IL16: variants seen among roughly 807,000 people sequenced by gnomAD.
IL16 encodes interleukin 16.
Under a neutral mutation model 110.1 loss-of-function variants are expected in IL16, and 67 were observed. The ratio of observed to expected loss-of-function variants is 0.61; its 90% confidence interval spans 0.50 to 0.75. IL16 has a LOEUF of 0.75. Ranked by LOEUF, IL16 falls within the 30% of genes least tolerant of loss-of-function variation. IL16 has a pLI of 0.00. For synonymous variants in IL16, 689 were observed against 662.9 expected, an observed-to-expected ratio of 1.04 and a Z score of -0.61; for missense variants, 1,545 against 1,655.0, an observed-to-expected ratio of 0.93 and a Z score of 1.15.
chr15:81,264,145 AC>A (rs942482413), intron 3 of IL16, among the ~76,000 whole-genome samples: 4 of 151,716 alleles, frequency 2.6e-5, no homozygotes, highest in Admixed American at 2.0e-4. Flanking sequence ...CTCTCCTCTC[AC>A]CCCCCTTTCT....
At chr15:81,296,240 G>A (rs1483555960) in intron 12 of IL16, among the ~76,000 whole-genome samples, 1 of 152,158 alleles carries the variant, frequency 6.6e-6, no homozygotes, top group African/African-American at 2.4e-5. Context: ...AGCACACTGT[G>A]TGATAATCCA....
At position 81,301,512 on chromosome 15, in the gene IL16, G is replaced by A; in HGVS notation, c.3318G>A (p.Lys1106=). ...EVKVLDEATL[K]QLDGIHVTIL... ...AGGTTCTGGATGAAGCAACATTAAA[G>A]GTAGGTTTCCTTTGTAAGCATCTGC... The change falls in exon 15 of 19, where the codon AAG becomes AAA. Residue 1106 remains lysine (K), a splice_region_variant and synonymous_variant. Transcript: ENST00000683961. 1 of 1,610,572 alleles carries A rather than the reference G, an allele frequency of 6.2e-7. No homozygotes were observed. The highest frequency in any genetic ancestry group is 8.5e-7 in the Non-Finnish European group (1 of 1,178,924).
Position 81,197,076 on chromosome 15 carries a change from T to C in IL16, c.-178T>C. ...CGGGAATAAGTGGTGCTGCAATCCC[T>C]GCTGGGCAGATGGAGAGAGGAGCAA... On this transcript the variant is annotated 5_prime_UTR_variant, in exon 1 of 19. Coordinates refer to ENST00000683961, the MANE Select transcript of IL16 (RefSeq NM_172217.5). 7.8e-7 allele frequency: 1 copy of C among 1,288,806 alleles called. No individual in the cohort carries two copies. The highest frequency in any genetic ancestry group is 1.5e-5 in the African/African-American group (1 of 65,944). The allele number at this position is 1,288,806 out of a possible 1,614,324, so 79.8% of individuals were successfully genotyped here.
chr15:81,304,174 C>A (rs1391632438), intron 16 of IL16, among the ~76,000 whole-genome samples: 1 of 152,260 alleles, frequency 6.6e-6, no homozygotes, highest in Non-Finnish European at 1.5e-5. Context: ...CGTGTCACTT[C>A]AGAGTCAATC....
rs1469463523 is a variant in IL16 at position 81,303,705 on chromosome 15, G to C, written c.3420+55G>C. On this transcript the variant is annotated intron_variant, in intron 16 of 18. Transcript: ENST00000683961. The surrounding 1 kb of genome is among the most constrained non-coding windows in gnomAD (Gnocchi z 4.1). ...AGCCAGAGGCAATGGTTCTGGGGGA[G>C]GGGGACACACTTGCCAGGAAGGGGC... The C allele has an allele frequency of 2.5e-6, 3 of 1,201,004 alleles. No homozygotes were observed. The Admixed American group carries it at 5.1e-5, about 21-fold the overall frequency. The allele number at this position is 1,201,004 out of a possible 1,614,324, so 74.4% of individuals were successfully genotyped here. A position where few individuals can be genotyped will look rare whatever the true frequency, so the allele number is the denominator to read the frequency against.
intron 2 of IL16, among the ~76,000 whole-genome samples, chr15:81,252,805 TATC>T (rs1452751489): frequency 6.6e-6 from 1 of 152,222 alleles, no homozygotes; most frequent in Non-Finnish European, 1.5e-5. Context: ...TTGTAGCATG[TATC>T]AGTTCATTCA....
intron 2 of IL16, 55 bp downstream of exon 2, chr15:81,225,766 G>A: frequency 7.3e-7 from 1 of 1,368,478 alleles, no homozygotes; most frequent in Non-Finnish European, 9.9e-7. Flanking sequence ...CTGGTGCTGT[G>A]AATTAAAGTC....
rs34522610 is a variant in IL16 at position 81,303,015 on chromosome 15, A to ATGTGTGTGTG, written c.3319-514_3319-505dup. 4.2e-3 allele frequency among the ~76,000 whole-genome samples: 634 copies of ATGTGTGTGTG among 150,144 alleles called. 3 individuals are homozygous for ATGTGTGTGTG. Among genetic ancestry groups the ATGTGTGTGTG allele is most frequent in the African/African-American group, 8.8e-3 (360 of 40,682 alleles). ...GTCTAGGCTAGGAAGTACCGTAGTA[A>ATGTGTGTGTG]TGTGTGTGTGTGTGTGTGTGTGTGT... is the stretch of plus-strand genomic sequence containing the variant. On this transcript the variant is annotated intron_variant, in intron 15 of 18. Transcript: ENST00000683961. This position sits in a 1 kb window ranked among gnomAD's most constrained non-coding sequence, Gnocchi z 4.1.
rs112625002 is a variant in IL16, at chr15:81,220,734, G to GGTTAGCTT, written c.-101-4564_-101-4557dup. ...AAATACTGTGGCCTTTCCTCCGGTA[G>GGTTAGCTT]GTTAGCTTTGCCTAGCACAAAAACA... On this transcript the variant is annotated intron_variant, in intron 1 of 18. Coordinates refer to ENST00000683961, the MANE Select transcript of IL16 (RefSeq NM_172217.5). Among the ~76,000 whole-genome samples, 271 of 150,748 alleles carry GGTTAGCTT rather than the reference G, an allele frequency of 1.8e-3. 2 individuals are homozygous for GGTTAGCTT. Among genetic ancestry groups the GGTTAGCTT allele is most frequent in the African/African-American group, 6.5e-3 (262 of 40,548 alleles).
Position 81,239,564 on chromosome 15 carries a change from C to T in IL16, c.312+13853C>T, listed in dbSNP as rs866069416. Among the ~76,000 whole-genome samples, 6 of 152,198 alleles carry T rather than the reference C, an allele frequency of 3.9e-5. No homozygotes were observed. In the East Asian group the frequency reaches 1.2e-3, roughly 29 times the overall value. ...AAAATGAAGCACTCAGCTGATGCTGCCCCTGAAGATGAACTGGACCACTTG... is the reference window on the plus strand; with the variant it reads ...AAAATGAAGCACTCAGCTGATGCTGTCCCTGAAGATGAACTGGACCACTTG... On this transcript the variant is annotated intron_variant, in intron 2 of 18. Coordinates refer to ENST00000683961, the MANE Select transcript of IL16 (RefSeq NM_172217.5).
chr15:81,209,166 G>A (rs1430497335), intron 1 of IL16, among the ~76,000 whole-genome samples: 1 of 152,174 alleles, frequency 6.6e-6, no homozygotes, highest in Non-Finnish European at 1.5e-5. Flanking sequence ...GGTGCTCAGA[G>A]GATAATGATG....
chr15:81,239,771 C>CTTTGTTTGTTTG lies in IL16; in HGVS notation c.312+14080_312+14091dup, dbSNP rs71153570. Among the ~76,000 whole-genome samples the CTTTGTTTGTTTG allele has an allele frequency of 6.8e-3, 1,027 of 150,640 alleles. 11 individuals are homozygous for CTTTGTTTGTTTG. Among genetic ancestry groups the CTTTGTTTGTTTG allele is most frequent in the African/African-American group, 0.022 (890 of 40,684 alleles). ...GCCAGGCTGGCGAGAACAGGCTTGT[C>CTTTGTTTGTTTG]TTTGTTTGTTTGTTTGTTTGTTTGT... On this transcript the variant is annotated intron_variant, in intron 2 of 18. Coordinates refer to ENST00000683961, the MANE Select transcript of IL16 (RefSeq NM_172217.5).
chr15:81,210,739 T>C (rs1368358116), intron 1 of IL16, among the ~76,000 whole-genome samples: 1 of 152,228 alleles, frequency 6.6e-6, no homozygotes, highest in Non-Finnish European at 1.5e-5. Context: ...TCTAGCAGAC[T>C]TTTGTTGGAG....
chr15:81,304,069 T>C (rs1900429171), intron 16 of IL16, among the ~76,000 whole-genome samples: 1 of 152,164 alleles, frequency 6.6e-6, no homozygotes, highest in African/African-American at 2.4e-5. Context: ...CATTTGAATT[T>C]CCATGCCCAA....
intron 1 of IL16, among the ~76,000 whole-genome samples, chr15:81,212,869 C>T (rs1422222044): frequency 6.6e-6 from 1 of 152,024 alleles, no homozygotes; most frequent in Non-Finnish European, 1.5e-5. Flanking sequence ...GATTTTTGCA[C>T]CTCAATTTCA....
chr15:81,261,695 A>C lies in IL16; in HGVS notation c.421+1815A>C, dbSNP rs72746150. ...CCCTCTGTGTATGGCTCCTTTACCCAATTCTCAGAATCCCAACTGAGTGTG... is the reference window on the plus strand; with the variant it reads ...CCCTCTGTGTATGGCTCCTTTACCCCATTCTCAGAATCCCAACTGAGTGTG... On this transcript the variant is annotated intron_variant, in intron 3 of 18. Coordinates refer to ENST00000683961, the MANE Select transcript of IL16 (RefSeq NM_172217.5). Among the ~76,000 whole-genome samples, 525 of 152,184 alleles carry C rather than the reference A, an allele frequency of 3.4e-3. 4 individuals carry two copies. Among genetic ancestry groups the C allele is most frequent in the Non-Finnish European group, 5.5e-3 (376 of 67,994 alleles).
At position 81,299,691 on chromosome 15, in the gene IL16, C is replaced by A. The variant is rs1567044279; in HGVS notation, c.2365C>A (p.Pro789Thr). 3 of 1,614,226 alleles carry A rather than the reference C, an allele frequency of 1.9e-6. No individual in the cohort carries two copies. Among genetic ancestry groups the A allele is most frequent in the Admixed American group, 3.3e-5 (2 of 60,022 alleles). ...VKKGPPVAPK[P>T]AWFRQSLKGL... Reference sequence around the variant, plus strand: ...GAAAGGTCCTCCTGTGGCTCCCAAGCCAGCCTGGTTTCGCCAAAGCTTGAA... The same window carrying A: ...GAAAGGTCCTCCTGTGGCTCCCAAGACAGCCTGGTTTCGCCAAAGCTTGAA... Residue 789 changes from proline to threonine, a missense_variant, in exon 14 of 19, where the codon CCA becomes ACA. Transcript: ENST00000683961.
At chr15:81,235,623 G>T (rs1280140994) in intron 2 of IL16, among the ~76,000 whole-genome samples, 2 of 152,122 alleles carry the variant, frequency 1.3e-5, no homozygotes, top group East Asian at 3.9e-4. Flanking sequence ...GGAGTCTCAT[G>T]CCTCCCATTT....
At position 81,299,584 on chromosome 15, in the gene IL16, A is replaced by G; in HGVS notation, c.2258A>G (p.His753Arg). The G allele has an allele frequency of 6.2e-7, 1 of 1,614,188 alleles. No individual in the cohort carries two copies. The highest frequency in any genetic ancestry group is 1.1e-5 in the South Asian group (1 of 91,084). The change falls in exon 14 of 19, where the codon CAC becomes CGC. Residue 753 changes from histidine (H) to arginine (R), a missense_variant. Physicochemically the swap from His to Arg is conservative, Grantham distance 29. This residue lies in a region of IL16 where 1,185 missense variants were observed against 1,238.8 expected (regional missense o/e 0.96). Coordinates refer to ENST00000683961, the MANE Select transcript of IL16 (RefSeq NM_172217.5). The stretch of plus-strand genomic sequence containing the variant: ...AATGAAGAAGAAGGGACACAGGGCC[A>G]CCCAGATGGGACCCCACCAAAGCTG... ...SLNEEEGTQGHPDGTPPKLDT... is the reference protein window; with the variant it reads ...SLNEEEGTQGRPDGTPPKLDT...
Sources: gnomAD v4.1 joint callset for allele counts (sites outside exome capture counted in the v4.1 genomes callset) on GRCh38, gnomAD v4.1.1 for gene constraint, gnomAD v4.1.1 regional missense constraint, Gnocchi (gnomAD v3.1) non-coding constraint, MANE v1.5 for transcripts, NCBI Gene and HGNC (gene_info 2026-07-23, HGNC 2026-07-21) for gene names.